The following EDN1 variants were observed in gnomAD, a reference collection of about 807,000 sequenced individuals.
EDN1 encodes endothelin 1, also known as endothelin-1.
A neutral mutation model predicts 21.7 loss-of-function variants in EDN1; 11 were observed. The ratio of observed to expected loss-of-function variants is 0.51; its 90% CI spans 0.32 to 0.84. The LOEUF is 0.84. EDN1 is among the 40% of genes least tolerant of loss of function. EDN1 has a pLI of 0.03. For synonymous variants in EDN1, 85 were observed against 90.6 expected (o/e 0.94, Z 0.35); for missense variants, 244 against 262.3 (o/e 0.93, Z 0.48).
At chr6:12,249,672 C>T in the EDN1 span, among the ~76,000 whole-genome samples, 244 of 151,956 alleles carry the variant, frequency 1.6e-3, 3 homozygotes, top group African/African-American at 5.7e-3. Flanking sequence ...TTCATTTCAT[C>T]ATTTTATGGC....
chr6:12,277,140 A>G, the EDN1 span, among the ~76,000 whole-genome samples: 1 of 152,180 alleles, frequency 6.6e-6, no homozygotes, highest in Non-Finnish European at 1.5e-5. Flanking sequence ...GTCTTGCAAT[A>G]TGATGAATGG....
the EDN1 span, among the ~76,000 whole-genome samples, chr6:12,257,824 G>T: frequency 6.6e-6 from 1 of 152,106 alleles, no homozygotes; most frequent in Non-Finnish European, 1.5e-5. Flanking sequence ...CATGTAAAAA[G>T]GCTGCTCGAA....
At chr6:12,256,050 G>A in the EDN1 span, among the ~76,000 whole-genome samples, 1 of 152,164 alleles carries the variant, frequency 6.6e-6, no homozygotes, top group Non-Finnish European at 1.5e-5. Flanking sequence ...GCTGGCACAG[G>A]AAACAAGACG....
chr6:12,285,286 A>G, the EDN1 span, among the ~76,000 whole-genome samples: 6 of 152,220 alleles, frequency 3.9e-5, no homozygotes, highest in African/African-American at 9.6e-5. Flanking sequence ...TGGAGCAAGA[A>G]GCCAAGGGGA....
At chr6:12,277,792 G>A in the EDN1 span, among the ~76,000 whole-genome samples, 3 of 152,212 alleles carry the variant, frequency 2.0e-5, no homozygotes, top group Admixed American at 6.5e-5. Context: ...CGGGACTACC[G>A]CCTGCTTATT....
At chr6:12,263,421 A>G in the EDN1 span, among the ~76,000 whole-genome samples, 1 of 152,220 alleles carries the variant, frequency 6.6e-6, no homozygotes, top group East Asian at 1.9e-4. Flanking sequence ...ATGGAGAATA[A>G]AAATTCACCC....
At chr6:12,236,646 A>T in the EDN1 span, among the ~76,000 whole-genome samples, 1 of 152,196 alleles carries the variant, frequency 6.6e-6, no homozygotes, top group Non-Finnish European at 1.5e-5. Flanking sequence ...AAAATATTTG[A>T]TATGGAAGAT....
the EDN1 span, among the ~76,000 whole-genome samples, chr6:12,273,126 G>A: frequency 6.6e-6 from 1 of 152,232 alleles, no homozygotes; most frequent in Admixed American, 6.5e-5. Context: ...GGAGCACAGA[G>A]GAGGGACCTC....
At chr6:12,277,660 G>C in the EDN1 span, among the ~76,000 whole-genome samples, 1 of 152,346 alleles carries the variant, frequency 6.6e-6, no homozygotes, top group East Asian at 1.9e-4. Context: ...AATCGGCAGA[G>C]GAAGAGTCGT....
the EDN1 span, among the ~76,000 whole-genome samples, chr6:12,243,068 C>A: frequency 6.6e-6 from 1 of 152,224 alleles, no homozygotes; most frequent in Non-Finnish European, 1.5e-5. Flanking sequence ...CTAGTAATAA[C>A]CCGCTGTTGA....
chr6:12,251,564 CATATAAATTCT>C, the EDN1 span, among the ~76,000 whole-genome samples: 2 of 152,288 alleles, frequency 1.3e-5, no homozygotes, highest in African/African-American at 4.8e-5. Context: ...ACCAATAACT[CATATAAATTCT>C]TGGGTTTGCA....
At chr6:12,290,935 T>C (rs1762663549) in intron 1 of EDN1, among the ~76,000 whole-genome samples, 3 of 152,182 alleles carry the variant, frequency 2.0e-5, no homozygotes, top group South Asian at 2.1e-4. Context: ...CTTATCGTTT[T>C]ATTATTATTA....
the EDN1 span, among the ~76,000 whole-genome samples, chr6:12,278,903 A>AAAAC: frequency 4.9e-4 from 74 of 152,296 alleles, no homozygotes; most frequent in African/African-American, 1.5e-3. Flanking sequence ...TAAAAAAAAC[A>AAAAC]AAACAAACAA....
At chr6:12,275,081 T>A in the EDN1 span, among the ~76,000 whole-genome samples, 1 of 146,290 alleles carries the variant, frequency 6.8e-6, no homozygotes, top group African/African-American at 2.5e-5. Context: ...TCCTTCCAGA[T>A]TTCAATGTTT....
chr6:12,281,156 C>T, the EDN1 span, among the ~76,000 whole-genome samples: 2 of 152,184 alleles, frequency 1.3e-5, no homozygotes, highest in Non-Finnish European at 2.9e-5. Flanking sequence ...CTCTGTACAA[C>T]GTCTGTTGTG....
chr6:12,251,100 G>A, the EDN1 span, among the ~76,000 whole-genome samples: 10 of 152,094 alleles, frequency 6.6e-5, no homozygotes, highest in African/African-American at 2.4e-4. Context: ...TGTACCTAGG[G>A]ATACTGATAA....
At chr6:12,258,843 G>A in the EDN1 span, among the ~76,000 whole-genome samples, 1 of 152,136 alleles carries the variant, frequency 6.6e-6, no homozygotes. Flanking sequence ...ACACCATGAT[G>A]AAACTGAGCA....
the EDN1 span, among the ~76,000 whole-genome samples, chr6:12,262,056 G>A: frequency 3.3e-5 from 5 of 152,196 alleles, no homozygotes; most frequent in African/African-American, 1.2e-4. Flanking sequence ...AACTAGGGAA[G>A]ATACCTCCAC....
At chr6:12,278,560 C>T in the EDN1 span, among the ~76,000 whole-genome samples, 22 of 152,136 alleles carry the variant, frequency 1.4e-4, no homozygotes, top group Middle Eastern at 3.2e-3. Flanking sequence ...CCATACATGT[C>T]GCATTCATTC....
Sources: allele counts gnomAD v4.1 joint callset (sites outside exome capture counted in the v4.1 genomes callset), GRCh38; gene constraint gnomAD v4.1.1; transcripts MANE v1.5; gene names NCBI Gene and HGNC (gene_info 2026-07-23, HGNC 2026-07-21).